FOCAD: variants seen among roughly 807,000 people sequenced by gnomAD.
The protein encoded by FOCAD is KIAA1797.
A neutral mutation model predicts 225.6 loss-of-function variants in FOCAD; 198 were observed. That is an observed-to-expected ratio of 0.88 (90% CI 0.78 to 0.99). The LOEUF (loss-of-function observed/expected upper bound fraction) is 0.99, where lower values mean the gene tolerates loss of function less well. Among genes scored for constraint, FOCAD ranks in the 50% least tolerant of loss-of-function variants. The pLI is 0.00. For missense variants in FOCAD, 2,713 were observed against 2,123.6 expected (o/e 1.28, Z -5.46); for synonymous variants, 897 against 755.0 (o/e 1.19, Z -3.08).
chr9:20,727,401 A>T (rs1295055401), intron 4 of FOCAD, among the ~76,000 whole-genome samples: 1 of 152,196 alleles, frequency 6.6e-6, no homozygotes, highest in Non-Finnish European at 1.5e-5. Flanking sequence ...TACTGAACAC[A>T]TGTTACTTTT....
chr9:20,771,986 T>C (rs1818283541), intron 8 of FOCAD, among the ~76,000 whole-genome samples: 1 of 152,094 alleles, frequency 6.6e-6, no homozygotes. Context: ...ACTTCCTTAC[T>C]CCAAATACAG....
intron 2 of FOCAD, among the ~76,000 whole-genome samples, chr9:20,670,960 G>A (rs1463736437): frequency 6.6e-6 from 1 of 152,150 alleles, no homozygotes; most frequent in Admixed American, 6.5e-5. Context: ...TCCTTATTAT[G>A]TAAAAATTTT....
intron 28 of FOCAD, among the ~76,000 whole-genome samples, chr9:20,934,025 C>T (rs536805880): frequency 6.6e-6 from 1 of 152,172 alleles, no homozygotes; most frequent in Non-Finnish European, 1.5e-5. Flanking sequence ...ATTGTCTATT[C>T]ATGTCCTTAG....
chr9:20,833,850 A>T (rs961839169), intron 15 of FOCAD, among the ~76,000 whole-genome samples: 2 of 152,118 alleles, frequency 1.3e-5, no homozygotes, highest in African/African-American at 4.8e-5. Context: ...AAGACTGACA[A>T]TACTAAATAT....
chr9:20,975,033 C>T (rs1336644752), intron 35 of FOCAD, among the ~76,000 whole-genome samples: 1 of 152,056 alleles, frequency 6.6e-6, no homozygotes, highest in East Asian at 1.9e-4. Context: ...TGCTTTTTTG[C>T]TGATCCTGCC....
rs78619031 is a variant in FOCAD at position 20,915,449 on chromosome 9, A to G, written c.2808-1444A>G. On this transcript the variant is annotated intron_variant, in intron 23 of 43. Coordinates refer to ENST00000338382, the MANE Select transcript of FOCAD (RefSeq NM_001375567.1). ...AAGAAGGCATTCTAAGGAGCAACCA[A>G]CTGTGTCAAATACTGTTGTTAGGCT... Among the ~76,000 whole-genome samples the G allele has an allele frequency of 6.7e-3, 1,019 of 152,296 alleles. 9 individuals are homozygous for G. Among genetic ancestry groups the G allele is most frequent in the African/African-American group, 0.023 (970 of 41,562 alleles).
At chr9:20,722,079 C>T (rs1327560139) in intron 4 of FOCAD, among the ~76,000 whole-genome samples, 1 of 143,520 alleles carries the variant, frequency 7.0e-6, no homozygotes, top group Non-Finnish European at 1.5e-5. Context: ...TCCTTTCTGA[C>T]TGGGTCTTGC....
At chr9:20,719,167 T>C (rs551205761) in intron 3 of FOCAD, among the ~76,000 whole-genome samples, 26 of 152,206 alleles carry the variant, frequency 1.7e-4, no homozygotes, top group East Asian at 3.9e-4. Flanking sequence ...CTGCAACTTC[T>C]GCCTCCTGGG....
intron 11 of FOCAD, among the ~76,000 whole-genome samples, chr9:20,798,100 A>G (rs530017219): frequency 1.3e-5 from 2 of 152,132 alleles, no homozygotes; most frequent in Admixed American, 6.5e-5. Context: ...ATCTATTGAG[A>G]TAATCATGTG....
At chr9:20,836,252 T>A (rs1340789808) in intron 15 of FOCAD, among the ~76,000 whole-genome samples, 1 of 152,058 alleles carries the variant, frequency 6.6e-6, no homozygotes, top group African/African-American at 2.4e-5. Flanking sequence ...TAAATATAAT[T>A]TAATATGGAA....
At chr9:20,789,213 T>G in intron 10 of FOCAD, 138 bp from the exon 11 acceptor site, 1 of 929,136 alleles carries the variant, frequency 1.1e-6, no homozygotes, top group Non-Finnish European at 1.6e-6. Flanking sequence ...GCAGAGAGGA[T>G]TTTGGCAGTA....
chr9:20,698,115 T>C (rs538123591), intron 1 of FOCAD, among the ~76,000 whole-genome samples: 10 of 152,380 alleles, frequency 6.6e-5, no homozygotes, highest in African/African-American at 2.4e-4. Flanking sequence ...TCACTTTTTT[T>C]AAAATTGCAA....
chr9:20,752,379 C>T (rs1349458129), intron 5 of FOCAD, among the ~76,000 whole-genome samples: 2 of 151,644 alleles, frequency 1.3e-5, no homozygotes, highest in Non-Finnish European at 3.0e-5. Context: ...CTCCATATGG[C>T]TAGCCAGTTT....
At chr9:20,774,062 A>G (rs558288458) in intron 8 of FOCAD, among the ~76,000 whole-genome samples, 1 of 152,164 alleles carries the variant, frequency 6.6e-6, no homozygotes, top group Non-Finnish European at 1.5e-5. Flanking sequence ...CATGCGAGGG[A>G]TCTAGGTTGT....
chr9:20,895,642 G>T (rs1488790696), intron 21 of FOCAD, among the ~76,000 whole-genome samples: 2 of 151,574 alleles, frequency 1.3e-5, no homozygotes, highest in East Asian at 1.9e-4. Flanking sequence ...TAATGTAAAC[G>T]CTATTGTGTT....
At chr9:20,656,752 T>G (rs920562215), upstream of FOCAD, among the ~76,000 whole-genome samples, 3 of 152,230 alleles carry the variant, frequency 2.0e-5, no homozygotes, top group Non-Finnish European at 4.4e-5. Context: ...CTGTGTCTTT[T>G]AATTGGAGCA....
intron 5 of FOCAD, among the ~76,000 whole-genome samples, chr9:20,746,986 A>G (rs1828090704): frequency 6.6e-6 from 1 of 152,026 alleles, no homozygotes; most frequent in Non-Finnish European, 1.5e-5. Flanking sequence ...CTTGCCCCTC[A>G]TTGGGGATTT....
At chr9:20,771,993 A>G (rs776147432) in intron 8 of FOCAD, among the ~76,000 whole-genome samples, 1 of 152,172 alleles carries the variant, frequency 6.6e-6, no homozygotes, top group African/African-American at 2.4e-5. Flanking sequence ...TACTCCAAAT[A>G]CAGTCACTTG....
chr9:20,794,698 A>C (rs1389137540), intron 11 of FOCAD, among the ~76,000 whole-genome samples: 1 of 152,236 alleles, frequency 6.6e-6, no homozygotes, highest in Non-Finnish European at 1.5e-5. Context: ...AAGAACAGGA[A>C]AAGAAAAAAT....
Sources: gnomAD v4.1 joint callset for allele counts (sites outside exome capture counted in the v4.1 genomes callset) on GRCh38, gnomAD v4.1.1 for gene constraint, MANE v1.5 for transcripts, NCBI Gene and HGNC (gene_info 2026-07-23, HGNC 2026-07-21) for gene names.